The following SLC24A4 variants were observed in gnomAD, a reference collection of about 807,000 sequenced individuals.
SLC24A4 encodes solute carrier family 24 member 4.
In SLC24A4, 53 loss-of-function variants were observed where a neutral mutation model predicts 79.0. That is an observed-to-expected ratio of 0.67 (90% CI 0.54 to 0.84). SLC24A4 has a LOEUF of 0.84. SLC24A4 is among the 40% of genes least tolerant of loss of function. The pLI is 0.00. For synonymous variants in SLC24A4, 323 were observed against 323.8 expected, an observed-to-expected ratio of 1.00 and a Z score of 0.03; for missense variants, 731 against 822.0, an observed-to-expected ratio of 0.89 and a Z score of 1.35.
At chr14:92,360,214 G>A (rs756303534) in intron 2 of SLC24A4, among the ~76,000 whole-genome samples, 50 of 152,272 alleles carry the variant, frequency 3.3e-4, no homozygotes, top group Admixed American at 5.2e-4. Flanking sequence ...GAGCCACTGC[G>A]CCTAGCCTGT....
intron 14 of SLC24A4, among the ~76,000 whole-genome samples, chr14:92,489,254 A>T (rs1895541579): frequency 6.6e-6 from 1 of 152,146 alleles, no homozygotes; most frequent in Admixed American, 6.5e-5. Context: ...CCTGGCCAAC[A>T]TGGTGAAACC....
chr14:92,499,273 T>A lies in SLC24A4; in HGVS notation c.*5645T>A, dbSNP rs1896052743. The A allele has an allele frequency of 6.6e-6, 1 of 152,190 alleles. No individual in the cohort carries two copies. Among genetic ancestry groups the A allele is most frequent in the Non-Finnish European group, 1.5e-5 (1 of 68,044 alleles). The allele number at this position is 152,190 out of a possible 1,614,324, so 9.4% of individuals were successfully genotyped here. On this transcript the variant is annotated 3_prime_UTR_variant, in exon 17 of 17. Coordinates refer to ENST00000532405, the MANE Select transcript of SLC24A4 (RefSeq NM_153646.4). ...CTTCTAAACAGGGCTGACAGTATAC[T>A]CTCGTCTAGTCTAGGAACATGTCTG...
intron 9 of SLC24A4, 28 bp from the exon 10 acceptor site, chr14:92,449,046 C>G: frequency 6.2e-7 from 1 of 1,612,836 alleles, no homozygotes; most frequent in Non-Finnish European, 8.5e-7. Flanking sequence ...TTCCATTGCC[C>G]TGACCTCCTG....
At chr14:92,472,558 G>A (rs939121883) in intron 12 of SLC24A4, among the ~76,000 whole-genome samples, 1 of 152,056 alleles carries the variant, frequency 6.6e-6, no homozygotes, top group African/African-American at 2.4e-5. Context: ...TCCCATCCAG[G>A]TTGCTGCAAA....
intron 2 of SLC24A4, among the ~76,000 whole-genome samples, chr14:92,355,455 G>A (rs1402978591): frequency 6.6e-6 from 1 of 152,184 alleles, no homozygotes; most frequent in African/African-American, 2.4e-5. Context: ...AGGACGAGCT[G>A]ACTTACCCAA....
chr14:92,361,054 C>G (rs1267870579), intron 2 of SLC24A4, among the ~76,000 whole-genome samples: 1 of 152,166 alleles, frequency 6.6e-6, no homozygotes, highest in Non-Finnish European at 1.5e-5. Flanking sequence ...TCTCAGCGAG[C>G]ACCCGGAGCC....
At chr14:92,400,310 G>T (rs1890037610) in intron 2 of SLC24A4, among the ~76,000 whole-genome samples, 1 of 151,984 alleles carries the variant, frequency 6.6e-6, no homozygotes, top group South Asian at 2.1e-4. Context: ...ATGGTGGCAT[G>T]CGCCTGTAGT....
At chr14:92,393,004 GCGC>G (rs1344245694) in intron 2 of SLC24A4, among the ~76,000 whole-genome samples, 5 of 152,122 alleles carry the variant, frequency 3.3e-5, no homozygotes, top group African/African-American at 9.6e-5. Flanking sequence ...CACGTGGGAG[GCGC>G]CATCTATGAG....
intron 2 of SLC24A4, among the ~76,000 whole-genome samples, chr14:92,401,608 G>T (rs1310365489): frequency 2.6e-5 from 4 of 152,174 alleles, no homozygotes; most frequent in African/African-American, 9.6e-5. Flanking sequence ...AGCAGAGAGA[G>T]GCAGTGTTGT....
intron 2 of SLC24A4, among the ~76,000 whole-genome samples, chr14:92,401,726 A>G (rs1435404760): frequency 2.0e-5 from 3 of 152,248 alleles, no homozygotes; most frequent in Non-Finnish European, 4.4e-5. Context: ...TCTGTCCCCT[A>G]CATGAGTTGC....
rs534988268 is a variant in SLC24A4 at position 92,501,310 on chromosome 14, A to C, written c.*7682A>C. The C allele has an allele frequency of 2.0e-5, 3 of 152,348 alleles. No homozygotes were observed. Among genetic ancestry groups the C allele is most frequent in the South Asian group, 4.1e-4 (2 of 4,824 alleles). 9.4% of individuals were successfully genotyped at this position (152,348 alleles called of 1,614,324 possible). Reference sequence around the variant, plus strand: ...TCTTAGTTTAATAAAACTGTCATTAAATTTGAATGAATTGATATTATTGGT... The same window carrying C: ...TCTTAGTTTAATAAAACTGTCATTACATTTGAATGAATTGATATTATTGGT... On this transcript the variant is annotated 3_prime_UTR_variant, in exon 17 of 17. Transcript: ENST00000532405.
At chr14:92,477,000 C>T (rs1278176679) in intron 12 of SLC24A4, among the ~76,000 whole-genome samples, 1 of 152,104 alleles carries the variant, frequency 6.6e-6, no homozygotes, top group Non-Finnish European at 1.5e-5. Context: ...ATAAATAATG[C>T]TGCTGTGAAC....
intron 2 of SLC24A4, among the ~76,000 whole-genome samples, chr14:92,395,482 G>A (rs1358820789): frequency 6.7e-6 from 1 of 149,828 alleles, no homozygotes; most frequent in Non-Finnish European, 1.5e-5. Context: ...TATCCCCCAA[G>A]CTCCTCTAGT....
intron 12 of SLC24A4, 45 bp from the exon 13 acceptor site, chr14:92,482,635 T>A: frequency 6.5e-7 from 1 of 1,543,106 alleles, no homozygotes; most frequent in East Asian, 2.4e-5. Context: ...TTACCCAGTG[T>A]CTTTCTCTCC....
chr14:92,377,864 CTGAATGAAGG>C (rs1888604531), intron 2 of SLC24A4, among the ~76,000 whole-genome samples: 1 of 151,482 alleles, frequency 6.6e-6, no homozygotes. Flanking sequence ...GACTGGTTTG[CTGAATGAAGG>C]TGAGGAAGAA....
At chr14:92,425,396 G>C (rs1273266775) in intron 2 of SLC24A4, among the ~76,000 whole-genome samples, 1 of 152,198 alleles carries the variant, frequency 6.6e-6, no homozygotes, top group Non-Finnish European at 1.5e-5. Flanking sequence ...ACTACAGGGA[G>C]CCTATTTGTT....
chr14:92,328,915 A>T (rs1164954635), intron 2 of SLC24A4, among the ~76,000 whole-genome samples: 1 of 152,136 alleles, frequency 6.6e-6, no homozygotes, highest in East Asian at 1.9e-4. Context: ...GAGAGCAAAC[A>T]CTCAATTCTT....
chr14:92,456,323 C>T (rs56007403), intron 11 of SLC24A4, 81 bp from the exon 12 acceptor site: 214,465 of 1,418,758 alleles, frequency 0.15, 17,084 homozygotes, highest in East Asian at 0.23. Flanking sequence ...GAGCAGGGTG[C>T]GTGTGAGGGA....
intron 12 of SLC24A4, among the ~76,000 whole-genome samples, chr14:92,471,363 A>C (rs553727118): frequency 1.3e-5 from 2 of 152,270 alleles, no homozygotes; most frequent in South Asian, 4.2e-4. Context: ...AGCTCCACCA[A>C]ATAGACTTTA....
Sources: gnomAD v4.1 joint callset for allele counts (sites outside exome capture counted in the v4.1 genomes callset) on GRCh38, gnomAD v4.1.1 for gene constraint, MANE v1.5 for transcripts, NCBI Gene and HGNC (gene_info 2026-07-23, HGNC 2026-07-21) for gene names.